Variants in RBMS2 observed in about 807,000 individuals in gnomAD.
RBMS2 encodes RNA binding motif single stranded interacting protein 2, also known as RNA-binding motif, single-stranded-interacting protein 2.
In RBMS2, 38 loss-of-function variants were observed where a neutral mutation model predicts 58.4. The observed-to-expected ratio is 0.65, with a 90% CI of 0.50 to 0.85. The LOEUF is 0.85. RBMS2 is among the 40% of genes least tolerant of loss of function. The pLI is 0.00. For missense variants in RBMS2, 367 were observed against 503.7 expected, an observed-to-expected ratio of 0.73 and a Z score of 2.60; for synonymous variants, 151 against 180.7, an observed-to-expected ratio of 0.84 and a Z score of 1.32.
chr12:56,550,564 G>A (rs1878064828), intron 1 of RBMS2, among the ~76,000 whole-genome samples: 1 of 151,272 alleles, frequency 6.6e-6, no homozygotes, highest in South Asian at 2.1e-4. Context: ...AAAAAGGCCA[G>A]GCATGGTGGC....
At chr12:56,553,788 C>G (rs1168981318) in intron 1 of RBMS2, among the ~76,000 whole-genome samples, 1 of 148,516 alleles carries the variant, frequency 6.7e-6, no homozygotes, top group African/African-American at 2.5e-5. Context: ...AAAATTGAGT[C>G]TTTTTTAAAA....
At chr12:56,586,761 CT>C (rs1592513431) in intron 9 of RBMS2, 87 bp from the exon 10 acceptor site, 1 of 1,170,446 alleles carries the variant, frequency 8.5e-7, no homozygotes, top group East Asian at 2.4e-5. Context: ...GGCATTCAAA[CT>C]TTTCTGAGCT....
intron 1 of RBMS2, among the ~76,000 whole-genome samples, chr12:56,558,038 CTTTTTTTTTT>C (rs34784910): frequency 3.5e-5 from 1 of 28,516 alleles, no homozygotes; most frequent in East Asian, 1.9e-3. Context: ...CTCGCCCGGG[CTTTTTTTTTT>C]TTTTTTTTTT....
Position 56,568,871 on chromosome 12 carries a change from G to T in RBMS2, c.234-104G>T, listed in dbSNP as rs945798315. On this transcript the variant is annotated intron_variant, in intron 2 of 13. Transcript: ENST00000262031. Reference sequence around the variant, plus strand: ...TTTTATGAAGGTTTGAGTAGGAAAAGTTAGATCATGGAAAGGGCATGGATT... The same window carrying T: ...TTTTATGAAGGTTTGAGTAGGAAAATTTAGATCATGGAAAGGGCATGGATT... The T allele has an allele frequency of 4.0e-6, 4 of 996,758 alleles. No individual in the cohort carries two copies. In the African/African-American group the frequency reaches 6.6e-5, roughly 16 times the overall value. 61.7% of individuals were successfully genotyped at this position (996,758 alleles called of 1,614,324 possible).
In RBMS2 at chr12:56,584,683, G is replaced by T. The variant is rs534795448; in HGVS notation, c.874-2166G>T. On this transcript the variant is annotated intron_variant, in intron 9 of 13. Coordinates refer to ENST00000262031, the MANE Select transcript of RBMS2 (RefSeq NM_002898.4). Reference sequence around the variant, plus strand: ...ACCTGTAGTCCCAGCTGCTGGGGAGGCTGAGGCAGGAGAATGGCGTGAACC... The same window carrying T: ...ACCTGTAGTCCCAGCTGCTGGGGAGTCTGAGGCAGGAGAATGGCGTGAACC... Among the ~76,000 whole-genome samples, 4 of 152,066 alleles carry T rather than the reference G, an allele frequency of 2.6e-5. No individual in the cohort carries two copies. The East Asian group carries it at 5.8e-4, about 22-fold the overall frequency.
chr12:56,588,438 G>C, intron 12 of RBMS2, 64 bp downstream of exon 12: 1 of 1,405,272 alleles, frequency 7.1e-7, no homozygotes, highest in Non-Finnish European at 1.0e-6. Context: ...GTTTCCCCCT[G>C]ATCAAGATCT....
intron 2 of RBMS2, among the ~76,000 whole-genome samples, chr12:56,563,056 G>A (rs748192101): frequency 7.9e-5 from 12 of 152,124 alleles, no homozygotes; most frequent in Non-Finnish European, 1.6e-4. Flanking sequence ...CCTGGAGGCT[G>A]AGCTTGCAGT....
chr12:56,573,755 T>TC (rs1310142052), intron 5 of RBMS2, among the ~76,000 whole-genome samples: 1 of 151,554 alleles, frequency 6.6e-6, no homozygotes, highest in African/African-American at 2.4e-5. Context: ...TCCACACTTT[T>TC]TTTTTTTTTT....
chr12:56,577,247 T>C (rs1883259711), intron 5 of RBMS2, among the ~76,000 whole-genome samples: 1 of 151,176 alleles, frequency 6.6e-6, no homozygotes, highest in East Asian at 1.9e-4. Context: ...CTACTAAAAG[T>C]ACAAAAATTA....
At chr12:56,559,505 T>G (rs1014381761) in intron 1 of RBMS2, among the ~76,000 whole-genome samples, 10 of 151,020 alleles carry the variant, frequency 6.6e-5, no homozygotes, top group African/African-American at 1.5e-4. Flanking sequence ...ATATCTTATT[T>G]AATGATCTCC....
In RBMS2 at chr12:56,544,777, A is replaced by G. The variant is rs1235305210; in HGVS notation, c.67-17640A>G. On this transcript the variant is annotated intron_variant, in intron 1 of 13. Transcript: ENST00000262031. ...TAATTTTTTTTTTTTTCTTTTTTGT[A>G]GAGCTGGGACTTTGCCGTGTTGCCC... 5.1e-4 allele frequency among the ~76,000 whole-genome samples: 8 copies of G among 15,826 alleles called. No homozygotes were observed. The East Asian group carries it at 0.013, about 25-fold the overall frequency. The allele number at this position is 15,826 out of a possible 152,430, so 10.4% of individuals were successfully genotyped here.
intron 1 of RBMS2, among the ~76,000 whole-genome samples, chr12:56,558,412 C>CT (rs1352225253): frequency 1.3e-5 from 2 of 149,278 alleles, no homozygotes; most frequent in East Asian, 4.0e-4. Flanking sequence ...ATCACTGATA[C>CT]TTTCTTTCAG....
intron 10 of RBMS2, among the ~76,000 whole-genome samples, chr12:56,587,294 CAGG>C (rs1280002201): frequency 6.6e-6 from 1 of 151,812 alleles, no homozygotes; most frequent in African/African-American, 2.4e-5. Context: ...CCTTTGATGC[CAGG>C]AGATGTGGGT....
At chr12:56,582,564 A>C (rs1190281219) in intron 9 of RBMS2, among the ~76,000 whole-genome samples, 2 of 152,236 alleles carry the variant, frequency 1.3e-5, no homozygotes, top group Non-Finnish European at 2.9e-5. Context: ...AACAAGCAGC[A>C]TCAGCATCAT....
At chr12:56,561,463 A>G (rs1880372116) in intron 1 of RBMS2, among the ~76,000 whole-genome samples, 1 of 151,984 alleles carries the variant, frequency 6.6e-6, no homozygotes, top group African/African-American at 2.4e-5. Flanking sequence ...AATACTAGCC[A>G]TTCTGACTTT....
intron 1 of RBMS2, among the ~76,000 whole-genome samples, chr12:56,554,768 T>G (rs1878926259): frequency 1.3e-5 from 2 of 152,164 alleles, no homozygotes; most frequent in South Asian, 4.1e-4. Flanking sequence ...AATAAAATAG[T>G]AATATTAACA....
intron 9 of RBMS2, 80 bp from the exon 10 acceptor site, chr12:56,586,769 A>G: frequency 1.6e-6 from 2 of 1,240,526 alleles, no homozygotes; most frequent in South Asian, 1.3e-5. Flanking sequence ...AACTTTTCTG[A>G]GCTTTGTTGA....
intron 1 of RBMS2, among the ~76,000 whole-genome samples, chr12:56,523,681 A>G (rs936412531): frequency 7.9e-5 from 12 of 152,126 alleles, no homozygotes; most frequent in African/African-American, 2.9e-4. Context: ...AATCACTTGA[A>G]CCTGGGGGAC....
In RBMS2 at chr12:56,569,878, A is replaced by G. The variant is rs1458469988; in HGVS notation, c.293-21A>G. ...TCCTTACACCTCCCACTTCCTAGTG[A>G]TGCTGTTTCCTCTGTTCCAGGCTAT... On this transcript the variant is annotated intron_variant, in intron 3 of 13. Transcript: ENST00000262031. 5 of 1,589,030 alleles carry G rather than the reference A, an allele frequency of 3.1e-6. No individual in the cohort carries two copies. The South Asian group carries it at 4.4e-5, about 14-fold the overall frequency.
Sources: gnomAD v4.1 joint callset for allele counts (sites outside exome capture counted in the v4.1 genomes callset) on GRCh38, gnomAD v4.1.1 for gene constraint, MANE v1.5 for transcripts, NCBI Gene and HGNC (gene_info 2026-07-23, HGNC 2026-07-21) for gene names.